KMT2C: variants seen among roughly 807,000 people sequenced by gnomAD.
KMT2C encodes lysine methyltransferase 2C, also known as histone-lysine N-methyltransferase 2C.
A neutral mutation model predicts 507.9 loss-of-function variants in KMT2C; 88 were observed. That is an observed-to-expected ratio of 0.17 (90% confidence interval 0.15 to 0.21). The LOEUF (loss-of-function observed/expected upper bound fraction) is 0.21, where lower values mean the gene tolerates loss of function less well. KMT2C is among the 10% of genes least tolerant of loss of function. The pLI is 1.00. For missense variants in KMT2C, 4,954 were observed against 5,957.8 expected (o/e 0.83, Z 5.55); for synonymous variants, 2,049 against 2,080.8 (o/e 0.98, Z 0.42).
At chr7:152,270,416 T>C (rs948631992) in intron 7 of KMT2C, among the ~76,000 whole-genome samples, 1 of 152,212 alleles carries the variant, frequency 6.6e-6, no homozygotes, top group African/African-American at 2.4e-5. Flanking sequence ...ATGTAGCATT[T>C]CCATGTTTAA....
At chr7:152,251,055 G>T in intron 11 of KMT2C, 89 bp from the exon 12 acceptor site, 1 of 696,302 alleles carries the variant, frequency 1.4e-6, no homozygotes, top group Non-Finnish European at 2.5e-6. Flanking sequence ...ATGAGTAAGG[G>T]CAAATCATCA....
In KMT2C at chr7:152,203,081, A is replaced by G. The variant is rs2094194442; in HGVS notation, c.3962-17T>C. ...CACTCCAGCCTGAAACAACAGTCAC[A>G]TTTATAAATATGTGACATTTAAAAT... On this transcript the variant is annotated splice_polypyrimidine_tract_variant and intron_variant, in intron 25 of 58. Transcript: ENST00000262189. The G allele has an allele frequency of 6.4e-7, 1 of 1,570,988 alleles. No individual in the cohort carries two copies. The highest frequency in any genetic ancestry group is 8.6e-7 in the Non-Finnish European group (1 of 1,161,810).
chr7:152,287,235 G>C (rs1232750021), intron 6 of KMT2C, among the ~76,000 whole-genome samples: 3 of 152,162 alleles, frequency 2.0e-5, no homozygotes, highest in Non-Finnish European at 4.4e-5. Flanking sequence ...AGGCCTATTG[G>C]AGAATCCAAA....
intron 36 of KMT2C, among the ~76,000 whole-genome samples, chr7:152,180,391 A>T (rs975845369): frequency 6.6e-6 from 1 of 152,182 alleles, no homozygotes; most frequent in African/African-American, 2.4e-5. Context: ...TTGATGAAAT[A>T]CCAGTTACAT....
chr7:152,266,582 TTCTC>T (rs1173870516), intron 7 of KMT2C, among the ~76,000 whole-genome samples: 1 of 152,198 alleles, frequency 6.6e-6, no homozygotes, highest in Non-Finnish European at 1.5e-5. Flanking sequence ...TCCTATCAAT[TTCTC>T]TCTGACTCAC....
chr7:152,393,527 A>G (rs2097516626), intron 1 of KMT2C, among the ~76,000 whole-genome samples: 1 of 152,148 alleles, frequency 6.6e-6, no homozygotes, highest in African/African-American at 2.4e-5. Context: ...TCCACTTCCC[A>G]TTATCATGGC....
intron 14 of KMT2C, among the ~76,000 whole-genome samples, chr7:152,243,021 T>C (rs1420450252): frequency 2.0e-5 from 3 of 152,256 alleles, no homozygotes; most frequent in Non-Finnish European, 2.9e-5. Context: ...TTACAGTTTG[T>C]CTTTTTGGTA....
intron 26 of KMT2C, among the ~76,000 whole-genome samples, chr7:152,200,602 T>C (rs182957886): frequency 6.6e-6 from 1 of 152,028 alleles, no homozygotes; most frequent in Admixed American, 6.6e-5. Context: ...TGCGCCAACA[T>C]GCCTGTAATC....
chr7:152,154,510 C>A (rs1310192867), intron 46 of KMT2C, 65 bp from the exon 47 acceptor site: 2 of 1,391,424 alleles, frequency 1.4e-6, no homozygotes, highest in African/African-American at 1.4e-5. Flanking sequence ...CCTGTACCAA[C>A]CCTGCTGACA....
chr7:152,358,659 TCC>T lies in KMT2C; in HGVS notation c.176_177del (p.Gly59GlufsTer7). 1 of 1,601,820 alleles carries T rather than the reference TCC, an allele frequency of 6.2e-7. No homozygotes were observed. The highest frequency in any genetic ancestry group is 1.3e-5 in the African/African-American group (1 of 74,476). On this transcript the variant is annotated frameshift_variant, in exon 2 of 59. Coordinates refer to ENST00000262189, the MANE Select transcript of KMT2C (RefSeq NM_170606.3). LOFTEE classifies it high-confidence loss of function. ...CTGTCCTCATCTTCCACTGCAGTTT[TCC>T]CCCTACTTCGAGGTCTACAGAAAAA... ...QRARKKPRSR[G>X]KTAVEDEDSM...
In KMT2C at chr7:152,163,774, T is replaced by G. The variant is rs2092583899; in HGVS notation, c.9803A>C (p.Lys3268Thr). The G allele has an allele frequency of 6.2e-7, 1 of 1,614,206 alleles. No individual in the cohort carries two copies. The highest frequency in any genetic ancestry group is 8.5e-7 in the Non-Finnish European group (1 of 1,180,040). ...GGCCATTGCACATTGCTGCTGCTGT[T>G]TGATCCGATAATCTTCAATCAATTC... is the stretch of plus-strand genomic sequence containing the variant. Reference protein sequence around the residue: ...HAELIEDYRIKQQQQCAMAPP... With the variant: ...HAELIEDYRITQQQQCAMAPP... Residue 3268 changes from lysine (K) to threonine (T), a missense_variant, in exon 43 of 59, where the codon AAA becomes ACA. Physicochemically the swap from Lys to Thr is moderately conservative, Grantham distance 78. Around this residue, in one of 29 missense-constraint regions of KMT2C, gnomAD observed 801 missense variants for 751.2 expected, o/e 1.07. Coordinates refer to ENST00000262189, the MANE Select transcript of KMT2C (RefSeq NM_170606.3).
chr7:152,324,122 T>C (rs1336495077), intron 3 of KMT2C, among the ~76,000 whole-genome samples: 6 of 151,594 alleles, frequency 4.0e-5, no homozygotes, highest in South Asian at 4.1e-4. Flanking sequence ...TACTACATAG[T>C]AGGGTGACCT....
intron 8 of KMT2C, among the ~76,000 whole-genome samples, chr7:152,264,370 G>T (rs2129172973): frequency 6.6e-6 from 1 of 152,204 alleles, no homozygotes; most frequent in African/African-American, 2.4e-5. Context: ...AGAATCATGG[G>T]GGTGCAAGCG....
Position 152,346,554 on chromosome 7 carries a change from T to C in KMT2C, c.250+12033A>G, listed in dbSNP as rs538310658. 1.2e-4 allele frequency among the ~76,000 whole-genome samples: 19 copies of C among 152,086 alleles called. No homozygotes were observed. The South Asian group carries it at 3.5e-3, about 28-fold the overall frequency. ...AACTAAATGAAAATAAAAAGAAAAT[T>C]TGTGAGATGCAGTGAAAGCAGTGCT... On this transcript the variant is annotated intron_variant, in intron 2 of 58. Transcript: ENST00000262189.
intron 31 of KMT2C, among the ~76,000 whole-genome samples, chr7:152,191,680 C>T (rs1402990490): frequency 2.6e-5 from 4 of 152,218 alleles, no homozygotes; most frequent in African/African-American, 9.6e-5. Context: ...AGGGAAAAGG[C>T]TAGCTGCCTC....
intron 18 of KMT2C, among the ~76,000 whole-genome samples, chr7:152,225,770 G>A (rs1478786753): frequency 1.3e-5 from 2 of 152,176 alleles, no homozygotes; most frequent in East Asian, 3.8e-4. Context: ...TGTCTAGAAG[G>A]AGGGTAGGAC....
chr7:152,166,123 ATTT>A (rs1190668716), intron 42 of KMT2C, among the ~76,000 whole-genome samples: 2 of 135,918 alleles, frequency 1.5e-5, no homozygotes, highest in African/African-American at 5.5e-5. Flanking sequence ...GAGCACTCAC[ATTT>A]TTTTTTTTTT....
At chr7:152,231,602 G>A (rs1170947569) in intron 16 of KMT2C, among the ~76,000 whole-genome samples, 1 of 152,136 alleles carries the variant, frequency 6.6e-6, no homozygotes, top group Non-Finnish European at 1.5e-5. Context: ...GCAACACGGT[G>A]AAATCCTGTC....
In KMT2C at chr7:152,171,313, C is replaced by G. The variant is rs1392421383; in HGVS notation, c.9404G>C (p.Gly3135Ala). Residue 3135 changes from glycine (G) to alanine (A), a missense_variant, in exon 40 of 59, where the codon GGA becomes GCA. This residue lies in a region of KMT2C where 1,689 missense variants were observed against 1,654.3 expected (regional missense o/e 1.02). Transcript: ENST00000262189. ...GTTCTGTCCTTCACTGTTCTGTGTT[C>G]CAGTTACCACCTGGCCCATAAAAGG... ...RFPFMGQVVT[G>A]TQNSEGQNLG... 6.2e-7 allele frequency: 1 copy of G among 1,608,096 alleles called. No individual in the cohort carries two copies. The highest frequency in any genetic ancestry group is 1.1e-5 in the South Asian group (1 of 89,680).
Sources: allele counts gnomAD v4.1 joint callset (sites outside exome capture counted in the v4.1 genomes callset), GRCh38; gene constraint gnomAD v4.1.1; regional missense constraint gnomAD v4.1.1; transcripts MANE v1.5; gene names NCBI Gene and HGNC (gene_info 2026-07-23, HGNC 2026-07-21).